ST3GAL2: variants seen among roughly 807,000 people sequenced by gnomAD.
The protein encoded by ST3GAL2 is ST3 beta-galactoside alpha-2,3-sialyltransferase 2.
Under a neutral mutation model 37.5 loss-of-function variants are expected in ST3GAL2, and 16 were observed. The ratio of observed to expected loss-of-function variants is 0.43; its 90% confidence interval spans 0.29 to 0.65. The LOEUF (loss-of-function observed/expected upper bound fraction) is 0.65, where lower values mean the gene tolerates loss of function less well. Among genes scored for constraint, ST3GAL2 ranks in the 30% least tolerant of loss-of-function variants. The probability of loss-of-function intolerance (pLI) is 0.17; values close to 1 mark genes in which losing one functional copy is unlikely to be tolerated. For missense variants in ST3GAL2, 383 were observed against 487.8 expected (o/e 0.79, Z 2.02); for synonymous variants, 238 against 202.9 (o/e 1.17, Z -1.47).
chr16:70,423,380 C>T (rs1389701415), intron 1 of ST3GAL2, among the ~76,000 whole-genome samples: 1 of 151,968 alleles, frequency 6.6e-6, no homozygotes, highest in Non-Finnish European at 1.5e-5. Flanking sequence ...CGTGGTGGCA[C>T]ATGCCTGTCA....
At chr16:70,432,425 G>C (rs1244621641) in intron 1 of ST3GAL2, among the ~76,000 whole-genome samples, 1 of 132,670 alleles carries the variant, frequency 7.5e-6, no homozygotes, top group Non-Finnish European at 1.6e-5. Flanking sequence ...GAAACCACCA[G>C]GGCTCAGCTA....
intron 1 of ST3GAL2, among the ~76,000 whole-genome samples, chr16:70,422,473 G>C (rs543904160): frequency 3.4e-4 from 52 of 152,318 alleles, no homozygotes; most frequent in African/African-American, 1.2e-3. Flanking sequence ...AGACAGGTCA[G>C]TCTGGGCTGG....
intron 1 of ST3GAL2, among the ~76,000 whole-genome samples, chr16:70,430,704 C>A (rs2047783891): frequency 6.6e-6 from 1 of 152,126 alleles, no homozygotes; most frequent in Non-Finnish European, 1.5e-5. Context: ...AGAGAGAGGG[C>A]CAGGCCCCAG....
intron 1 of ST3GAL2, among the ~76,000 whole-genome samples, chr16:70,437,881 G>C (rs943922643): frequency 9.2e-5 from 14 of 152,186 alleles, no homozygotes; most frequent in Non-Finnish European, 1.6e-4. Flanking sequence ...CAAAGACGAG[G>C]CGGGAGTGTG....
chr16:70,424,697 CTTT>C (rs901864222), intron 1 of ST3GAL2, among the ~76,000 whole-genome samples: 1 of 152,172 alleles, frequency 6.6e-6, no homozygotes, highest in Admixed American at 6.5e-5. Context: ...ATTTGAACTT[CTTT>C]AATTACAGTG....
At chr16:70,399,576 C>G in intron 1 of ST3GAL2, 43 bp from the exon 2 acceptor site, 1 of 396,892 alleles carries the variant, frequency 2.5e-6, no homozygotes, top group Non-Finnish European at 4.4e-6. Context: ...ATGAATCACA[C>G]GGGCACCAGG....
At chr16:70,405,736 T>G (rs2047586885) in intron 1 of ST3GAL2, among the ~76,000 whole-genome samples, 1 of 151,742 alleles carries the variant, frequency 6.6e-6, no homozygotes, top group African/African-American at 2.4e-5. Context: ...TCTGGGGTGA[T>G]GTTCCAAAAT....
intron 1 of ST3GAL2, among the ~76,000 whole-genome samples, chr16:70,415,782 T>TTTC (rs2047672995): frequency 7.3e-6 from 1 of 137,606 alleles, no homozygotes. Context: ...TTTTTTTTTT[T>TTTC]CTTTTCTGAA....
rs186053645 is a variant in ST3GAL2 at position 70,387,237 on chromosome 16, C to T, written c.713+1130G>A. On this transcript the variant is annotated intron_variant, in intron 4 of 6. Transcript: ENST00000342907. ...TGCCACTGCACTCCAGTCTGGGCAA[C>T]GGAATGAGACTCCGTTTCAAAAGAA... is the stretch of plus-strand genomic sequence containing the variant. 4.7e-4 allele frequency among the ~76,000 whole-genome samples: 70 copies of T among 148,310 alleles called. 1 individual carries two copies. Among genetic ancestry groups the T allele is most frequent in the Admixed American group, 1.3e-3 (19 of 14,938 alleles).
At chr16:70,420,892 A>C (rs1203359427) in intron 1 of ST3GAL2, among the ~76,000 whole-genome samples, 1 of 152,198 alleles carries the variant, frequency 6.6e-6, no homozygotes, top group African/African-American at 2.4e-5. Flanking sequence ...TAAAAGATGG[A>C]GGGAACCAGA....
In ST3GAL2 at chr16:70,415,180, T is replaced by C. The variant is rs1181337748; in HGVS notation, c.-1003-15647A>G. On this transcript the variant is annotated intron_variant, in intron 1 of 6. Transcript: ENST00000342907. ...TGAGCCATCACGCCCAGCCAATTTT[T>C]CTATTATTAGCAGAGATGGGCTTTC... is the stretch of plus-strand genomic sequence containing the variant. 2.6e-5 allele frequency among the ~76,000 whole-genome samples: 4 copies of C among 152,076 alleles called. No individual in the cohort carries two copies. The East Asian group carries it at 7.8e-4, about 29-fold the overall frequency.
At chr16:70,392,525 A>G (rs1369795514) in intron 3 of ST3GAL2, among the ~76,000 whole-genome samples, 2 of 152,118 alleles carry the variant, frequency 1.3e-5, no homozygotes, top group Non-Finnish European at 2.9e-5. Context: ...CGGCGTGCCT[A>G]CTGTCTAGCG....
Position 70,396,697 on chromosome 16 carries a change from G to A in ST3GAL2, c.339+1495C>T, listed in dbSNP as rs534551620. 4.6e-5 allele frequency among the ~76,000 whole-genome samples: 7 copies of A among 152,342 alleles called. No individual in the cohort carries two copies. The East Asian group carries it at 1.4e-3, about 29-fold the overall frequency. ...CAGTCTAGGCTGGAAGGCAGGTTCT[G>A]TGACATCATTCTGATAAGCCTGATC... On this transcript the variant is annotated intron_variant, in intron 2 of 6. Coordinates refer to ENST00000342907, the MANE Select transcript of ST3GAL2 (RefSeq NM_006927.4).
At chr16:70,414,608 G>A (rs2047662183) in intron 1 of ST3GAL2, among the ~76,000 whole-genome samples, 1 of 152,200 alleles carries the variant, frequency 6.6e-6, no homozygotes, top group East Asian at 1.9e-4. Context: ...TGATTCAGGA[G>A]CCAAATTCTA....
intron 3 of ST3GAL2, among the ~76,000 whole-genome samples, chr16:70,389,948 G>A (rs902873726): frequency 7.3e-5 from 11 of 150,918 alleles, no homozygotes; most frequent in Admixed American, 4.0e-4. Context: ...CATCACGCCC[G>A]GCTAATTGTT....
In ST3GAL2 at chr16:70,377,178, T is replaced by TAAAAAAAAAAAAAAAAAAAAAAAAAAAA. The variant is rs34454921; in HGVS notation, c.*4510_*4511insTTTTTTTTTTTTTTTTTTTTTTTTTTTT. ...CTGGGCGACAGGAGACCCTGTCTCTTAAAAAAAAAAAAAAAAAAAAAAAAA... is the reference window on the plus strand; with the variant it reads ...CTGGGCGACAGGAGACCCTGTCTCTTAAAAAAAAAAAAAAAAAAAAAAAAAAAAAAAAAAAAAAAAAAAAAAAAAAAAA... On this transcript the variant is annotated 3_prime_UTR_variant, in exon 7 of 7. Coordinates refer to ENST00000342907, the MANE Select transcript of ST3GAL2 (RefSeq NM_006927.4). 2 of 85,494 alleles carry TAAAAAAAAAAAAAAAAAAAAAAAAAAAA rather than the reference T, an allele frequency of 2.3e-5. No homozygotes were observed. Among genetic ancestry groups the TAAAAAAAAAAAAAAAAAAAAAAAAAAAA allele is most frequent in the African/African-American group, 1.2e-4 (2 of 16,262 alleles). The allele number at this position is 85,494 out of a possible 1,614,324, so 5.3% of individuals were successfully genotyped here.
intron 1 of ST3GAL2, among the ~76,000 whole-genome samples, chr16:70,402,196 G>A (rs1025159215): frequency 6.6e-6 from 1 of 150,798 alleles, no homozygotes; most frequent in Admixed American, 6.6e-5. Flanking sequence ...CTACTTGGGA[G>A]GCTGAGGCAG....
Position 70,379,376 on chromosome 16 carries a change from G to C in ST3GAL2, c.*2313C>G, listed in dbSNP as rs2047377930. On this transcript the variant is annotated 3_prime_UTR_variant, in exon 7 of 7. Transcript: ENST00000342907. Reference sequence around the variant, plus strand: ...CCAGGAATGAGGTGCCTCCTGTATAGGTGGGGGAGGGTATCTGGGAGTCAT... The same window carrying C: ...CCAGGAATGAGGTGCCTCCTGTATACGTGGGGGAGGGTATCTGGGAGTCAT... 1 of 152,204 alleles carries C rather than the reference G, an allele frequency of 6.6e-6. No homozygotes were observed. The highest frequency in any genetic ancestry group is 2.1e-4 in the South Asian group (1 of 4,834). 9.4% of individuals were successfully genotyped at this position (152,204 alleles called of 1,614,324 possible).
In ST3GAL2 at chr16:70,376,081, C is replaced by G. The variant is rs1296502317; in HGVS notation, c.*5608G>C. On this transcript the variant is annotated 3_prime_UTR_variant, in exon 7 of 7. Coordinates refer to ENST00000342907, the MANE Select transcript of ST3GAL2 (RefSeq NM_006927.4). ...CGGTGCCCGTGGTAACAGCGTTTCA[C>G]AGGAAGCACCGTGGAGACGCAGCCC... 6.6e-6 allele frequency: 1 copy of G among 152,240 alleles called. No individual in the cohort carries two copies. The highest frequency in any genetic ancestry group is 1.9e-4 in the East Asian group (1 of 5,198). 9.4% of individuals were successfully genotyped at this position (152,240 alleles called of 1,614,324 possible).
Sources: gnomAD v4.1 joint callset for allele counts (sites outside exome capture counted in the v4.1 genomes callset) on GRCh38, gnomAD v4.1.1 for gene constraint, MANE v1.5 for transcripts, NCBI Gene and HGNC (gene_info 2026-07-23, HGNC 2026-07-21) for gene names.